Variants in INPP4B observed in about 807,000 individuals in gnomAD.
The protein encoded by INPP4B is inositol polyphosphate 4-phosphatase type II.
In INPP4B, 55 loss-of-function variants were observed where a neutral mutation model predicts 122.5. The observed-to-expected ratio is 0.45, with a 90% CI of 0.36 to 0.56. The LOEUF (loss-of-function observed/expected upper bound fraction) is 0.56. Ranked by LOEUF, INPP4B falls within the 20% of genes least tolerant of loss-of-function variation. The pLI is 0.00. For missense variants in INPP4B, 1,000 were observed against 1,097.7 expected, an observed-to-expected ratio of 0.91 and a Z score of 1.26; for synonymous variants, 403 against 388.7, an observed-to-expected ratio of 1.04 and a Z score of -0.43.
chr4:142,704,997 A>G (rs1333462925), intron 2 of INPP4B, among the ~76,000 whole-genome samples: 1 of 152,180 alleles, frequency 6.6e-6, no homozygotes, highest in Non-Finnish European at 1.5e-5. Context: ...CTTATTTAGC[A>G]TTACAGAAAC....
rs115900502 is a variant in INPP4B at position 142,814,413 on chromosome 4, A to G, written c.-254+31796T>C. On this transcript the variant is annotated intron_variant, in intron 1 of 25. Transcript: ENST00000262992. The stretch of plus-strand genomic sequence containing the variant: ...AAATGTGTCTATTTTTTCTTGAGAC[A>G]GTATAAATTAACAAAATGCTAAGAT... Among the ~76,000 whole-genome samples the G allele has an allele frequency of 6.0e-3, 912 of 152,294 alleles. 17 individuals are homozygous for G. The highest frequency in any genetic ancestry group is 0.021 in the African/African-American group (877 of 41,576).
chr4:142,260,413 T>C, intron 11 of INPP4B, 79 bp downstream of exon 11: 1 of 872,106 alleles, frequency 1.1e-6, no homozygotes, highest in Non-Finnish European at 1.9e-6. Context: ...ACTGTGAGAA[T>C]GCTGGTTCAG....
chr4:142,806,848 AAAGG>A (rs1048921610), intron 1 of INPP4B, among the ~76,000 whole-genome samples: 1 of 148,624 alleles, frequency 6.7e-6, no homozygotes, highest in African/African-American at 2.6e-5. Flanking sequence ...AGAAAGAAAG[AAAGG>A]AGAAGAAAAA....
intron 1 of INPP4B, among the ~76,000 whole-genome samples, chr4:142,726,427 T>C (rs1468085492): frequency 6.6e-6 from 1 of 152,198 alleles, no homozygotes; most frequent in Non-Finnish European, 1.5e-5. Flanking sequence ...ATTACCTTCC[T>C]TATGAGATGT....
At chr4:142,204,462 T>C (rs1841887975) in intron 14 of INPP4B, among the ~76,000 whole-genome samples, 1 of 152,004 alleles carries the variant, frequency 6.6e-6, no homozygotes, top group Admixed American at 6.6e-5. Context: ...ATCTGTAACA[T>C]TAAATTTTTT....
intron 7 of INPP4B, among the ~76,000 whole-genome samples, chr4:142,335,852 C>T (rs1001871127): frequency 1.3e-5 from 2 of 152,090 alleles, no homozygotes; most frequent in Admixed American, 6.5e-5. Flanking sequence ...ACAAATTCCT[C>T]GCCAGACAAG....
At chr4:142,237,597 A>C (rs1857220869) in intron 12 of INPP4B, among the ~76,000 whole-genome samples, 1 of 152,026 alleles carries the variant, frequency 6.6e-6, no homozygotes, top group Admixed American at 6.6e-5. Context: ...CAATAGTTAC[A>C]TGGGACTAGT....
intron 15 of INPP4B, among the ~76,000 whole-genome samples, chr4:142,188,160 T>C (rs1401328330): frequency 6.6e-6 from 1 of 152,066 alleles, no homozygotes; most frequent in Non-Finnish European, 1.5e-5. Context: ...TTAAAATATA[T>C]ATCAATAAAG....
chr4:142,602,258 G>C (rs1740173417), intron 2 of INPP4B, among the ~76,000 whole-genome samples: 4 of 151,918 alleles, frequency 2.6e-5, no homozygotes, highest in Non-Finnish European at 4.4e-5. Context: ...AAAATACCTA[G>C]GGATACAGCT....
At chr4:142,234,977 T>C (rs10003428) in intron 12 of INPP4B, among the ~76,000 whole-genome samples, 16,121 of 152,182 alleles carry the variant, frequency 0.11, 947 homozygotes, top group Middle Eastern at 0.14. Flanking sequence ...ACAACAATAG[T>C]AATGACAGTG....
At chr4:142,221,411 A>G (rs912601421) in intron 12 of INPP4B, among the ~76,000 whole-genome samples, 4 of 150,758 alleles carry the variant, frequency 2.7e-5, no homozygotes, top group South Asian at 2.1e-4. Context: ...AAAAAAAAAA[A>G]AAAAGAAATA....
At chr4:142,401,039 C>T (rs62328322) in intron 7 of INPP4B, among the ~76,000 whole-genome samples, 32,976 of 152,098 alleles carry the variant, frequency 0.22, 4,468 homozygotes, top group East Asian at 0.42. Flanking sequence ...CCATGCCCCA[C>T]CCTATGTCTT....
intron 12 of INPP4B, among the ~76,000 whole-genome samples, chr4:142,211,164 A>G (rs1844716300): frequency 6.6e-6 from 1 of 152,232 alleles, no homozygotes; most frequent in South Asian, 2.1e-4. Flanking sequence ...CTATATGATA[A>G]AAGTGTAATA....
chr4:142,446,023 A>G (rs372689030), intron 3 of INPP4B, among the ~76,000 whole-genome samples: 11 of 152,190 alleles, frequency 7.2e-5, no homozygotes, highest in African/African-American at 2.2e-4. Context: ...ATATGCTTGG[A>G]GGAAAATTTG....
At chr4:142,464,533 A>G (rs1050857118) in intron 2 of INPP4B, among the ~76,000 whole-genome samples, 7 of 151,782 alleles carry the variant, frequency 4.6e-5, no homozygotes, top group East Asian at 1.9e-4. Context: ...TAATTTGGGG[A>G]AAAAAAATTC....
chr4:142,082,666 T>C (rs1774568953), intron 24 of INPP4B, among the ~76,000 whole-genome samples: 1 of 152,234 alleles, frequency 6.6e-6, no homozygotes, highest in African/African-American at 2.4e-5. Context: ...TAGTCTTGGC[T>C]TTATGTTATG....
chr4:142,180,953 A>T (rs1274676924), intron 15 of INPP4B, among the ~76,000 whole-genome samples: 1 of 152,224 alleles, frequency 6.6e-6, no homozygotes. Context: ...CAAATATTTA[A>T]TAACTACTAC....
At chr4:142,800,708 T>C (rs1447280803) in intron 1 of INPP4B, among the ~76,000 whole-genome samples, 2 of 152,222 alleles carry the variant, frequency 1.3e-5, no homozygotes, top group Admixed American at 1.3e-4. Flanking sequence ...AGTATAATAC[T>C]GACTTCTGTT....
intron 14 of INPP4B, among the ~76,000 whole-genome samples, chr4:142,201,593 G>A (rs773512555): frequency 6.6e-6 from 1 of 151,730 alleles, no homozygotes; most frequent in Non-Finnish European, 1.5e-5. Flanking sequence ...GATGAAGAAT[G>A]GTATACACTT....
Sources: allele counts gnomAD v4.1 joint callset (sites outside exome capture counted in the v4.1 genomes callset), GRCh38; gene constraint gnomAD v4.1.1; transcripts MANE v1.5; gene names NCBI Gene and HGNC (gene_info 2026-07-23, HGNC 2026-07-21).